Variants in RARG observed in about 807,000 individuals in gnomAD.
RARG encodes the protein RAR-gamma.
A neutral mutation model predicts 43.7 loss-of-function variants in RARG; 17 were observed. The observed-to-expected ratio is 0.39, with a 90% CI of 0.27 to 0.58. The LOEUF is 0.58. RARG is among the 20% of genes least tolerant of loss of function. The pLI is 0.57. For synonymous variants in RARG, 238 were observed against 236.4 expected (o/e 1.01, Z -0.06); for missense variants, 346 against 598.7 (o/e 0.58, Z 4.40).
Position 53,213,641 on chromosome 12 carries a change from C to T in RARG, c.873G>A (p.Gly291=), listed in dbSNP as rs1211352590. ...PEQDTMTFSD[G]LTLNRTQMHN... ...GCATCTGGGTCCGGTTCAGGGTCAGCCCGTCGGAGAAGGTCATGGTGTCCT... is the reference window on the plus strand; with the variant it reads ...GCATCTGGGTCCGGTTCAGGGTCAGTCCGTCGGAGAAGGTCATGGTGTCCT... The change falls in exon 8 of 10, where the codon GGG becomes GGA. Residue 291 remains glycine, a synonymous_variant. Transcript: ENST00000425354. The surrounding 1 kb of genome is among the most constrained non-coding windows in gnomAD (Gnocchi z 4.7). 6.2e-7 allele frequency: 1 copy of T among 1,613,876 alleles called. No individual in the cohort carries two copies. The highest frequency in any genetic ancestry group is 1.3e-5 in the African/African-American group (1 of 74,882).
intron 3 of RARG, among the ~76,000 whole-genome samples, chr12:53,225,517 C>T (rs895049553): frequency 1.3e-5 from 2 of 152,236 alleles, no homozygotes; most frequent in Admixed American, 1.3e-4. Context: ...TACAGACACA[C>T]AACCCTCTGC....
intron 3 of RARG, among the ~76,000 whole-genome samples, chr12:53,216,677 G>A (rs2120638328): frequency 6.6e-6 from 1 of 152,232 alleles, no homozygotes; most frequent in African/African-American, 2.4e-5. Flanking sequence ...AGGTAAACAG[G>A]ACTGATGGGG....
chr12:53,220,143 G>C, intron 3 of RARG: 1 of 1,550,120 alleles, frequency 6.5e-7, no homozygotes, highest in Non-Finnish European at 8.7e-7. Context: ...GAAACACCAA[G>C]GACCCGCAGC....
intron 3 of RARG, among the ~76,000 whole-genome samples, chr12:53,224,186 T>A (rs546835850): frequency 6.6e-6 from 1 of 152,096 alleles, no homozygotes; most frequent in South Asian, 2.1e-4. Flanking sequence ...CAGCAGCACG[T>A]GCTCCCTGAG....
rs761785714 is a variant in RARG, at chr12:53,214,033, G to T, written c.813+26C>A. 3.8e-6 allele frequency: 6 copies of T among 1,590,536 alleles called. No homozygotes were observed. In the South Asian group the frequency reaches 6.8e-5, roughly 18 times the overall value. On this transcript the variant is annotated intron_variant, in intron 7 of 9. Transcript: ENST00000425354. ...GGGTCCCATATGTGGGTCGGGCTGTGGCAGGACCCACAGGGCCTAACTTAC... is the reference window on the plus strand; with the variant it reads ...GGGTCCCATATGTGGGTCGGGCTGTTGCAGGACCCACAGGGCCTAACTTAC...
chr12:53,215,748 C>T lies in RARG; in HGVS notation c.231G>A (p.Ser77=), dbSNP rs1257494980. The change falls in exon 4 of 10, where the codon TCG becomes TCA. Residue 77 remains serine (S), a synonymous_variant. Transcript: ENST00000425354. The surrounding 1 kb of genome is among the most constrained non-coding windows in gnomAD (Gnocchi z 6.4). ...CCCGAGGAGGCGGAGGGGGCGAGGG[C>T]GAGCTGGGCACCATCTCCTCTGAGC... ...STSSEEMVPS[S]PSPPPPPRVY... 5.0e-6 allele frequency: 8 copies of T among 1,613,180 alleles called. No individual in the cohort carries two copies. The highest frequency in any genetic ancestry group is 1.1e-5 in the South Asian group (1 of 90,942).
intron 2 of RARG, chr12:53,229,906 C>T (rs1310543265): frequency 2.1e-6 from 2 of 943,714 alleles, no homozygotes; most frequent in African/African-American, 3.6e-5. Context: ...GCTCCTGATC[C>T]TCACCAAGGA....
At chr12:53,221,722 G>A (rs1942968366) in intron 3 of RARG, among the ~76,000 whole-genome samples, 1 of 151,436 alleles carries the variant, frequency 6.6e-6, no homozygotes. Flanking sequence ...GGCGACTCCC[G>A]GAAATCCCCC....
At chr12:53,212,735 TATACACACAC>T (rs1425204636) in intron 9 of RARG, among the ~76,000 whole-genome samples, 13 of 136,986 alleles carry the variant, frequency 9.5e-5, no homozygotes, top group African/African-American at 2.8e-4. Flanking sequence ...TAAATATATA[TATACACACAC>T]ACACACACAC....
intron 9 of RARG, among the ~76,000 whole-genome samples, chr12:53,212,737 TAC>T (rs1160084920): frequency 0.039 from 5,146 of 133,020 alleles, 103 homozygotes; most frequent in African/African-American, 0.063. Context: ...AATATATATA[TAC>T]ACACACACAC....
Position 53,211,978 on chromosome 12 carries a change from G to A in RARG, c.1178-115C>T. 1.4e-6 allele frequency: 1 copy of A among 713,638 alleles called. No homozygotes were observed. Among genetic ancestry groups the A allele is most frequent in the Non-Finnish European group, 2.0e-6 (1 of 500,634 alleles). The allele number at this position is 713,638 out of a possible 1,614,324, so 44.2% of individuals were successfully genotyped here. ...ACTCCCCTAGGGGGCGCCCAGCACAGGCCCACCACCTCTCCGTCCCCAGCT... is the reference window on the plus strand; with the variant it reads ...ACTCCCCTAGGGGGCGCCCAGCACAAGCCCACCACCTCTCCGTCCCCAGCT... On this transcript the variant is annotated intron_variant, in intron 9 of 9. Transcript: ENST00000425354. This position sits in a 1 kb window ranked among gnomAD's most constrained non-coding sequence, Gnocchi z 4.6.
Position 53,227,262 on chromosome 12 carries a change from G to T in RARG, c.184+100C>A, listed in dbSNP as rs190130946. ...CCATTAGGCCAAACCCCTGTCCCCT[G>T]CCTGCCTTCCTAACTGGGGTGCCAA... On this transcript the variant is annotated intron_variant, in intron 3 of 9. Transcript: ENST00000425354. This position sits in a 1 kb window ranked among gnomAD's most constrained non-coding sequence, Gnocchi z 4.3. 3.1e-6 allele frequency: 4 copies of T among 1,293,178 alleles called. No homozygotes were observed. Among genetic ancestry groups the T allele is most frequent in the Non-Finnish European group, 3.2e-6 (3 of 951,668 alleles). 80.1% of individuals were successfully genotyped at this position (1,293,178 alleles called of 1,614,324 possible). A position where few individuals can be genotyped will look rare whatever the true frequency, so the allele number is the denominator to read the frequency against.
intron 2 of RARG, among the ~76,000 whole-genome samples, chr12:53,230,365 C>T (rs1943202184): frequency 6.6e-6 from 1 of 152,006 alleles, no homozygotes; most frequent in Admixed American, 6.5e-5. Flanking sequence ...GTCGCCCTGC[C>T]CGCTCCAGAG....
At chr12:53,216,387 T>G (rs1419678942) in intron 3 of RARG, among the ~76,000 whole-genome samples, 1 of 152,150 alleles carries the variant, frequency 6.6e-6, no homozygotes, top group Admixed American at 6.5e-5. Flanking sequence ...TCCTCAGGCT[T>G]ATCTCTCTCA....
rs1265990580 is a variant in RARG, at chr12:53,213,005, G to A, written c.1177+80C>T. 1.6e-5 allele frequency: 24 copies of A among 1,459,890 alleles called. No homozygotes were observed. The highest frequency in any genetic ancestry group is 2.0e-5 in the Non-Finnish European group (22 of 1,073,614). 90.4% of individuals were successfully genotyped at this position (1,459,890 alleles called of 1,614,324 possible). A position where few individuals can be genotyped will look rare whatever the true frequency, so the allele number is the denominator to read the frequency against. On this transcript the variant is annotated intron_variant, in intron 9 of 9. Transcript: ENST00000425354. The surrounding 1 kb of genome is among the most constrained non-coding windows in gnomAD (Gnocchi z 4.7). ...CCTGGTTCTCAACTACTCTGTTCTT[G>A]TCTCTGTGTGTCCTCCTGTCCGACC...
In RARG at chr12:53,216,861, C is replaced by CAT. The variant is rs1565722345; in HGVS notation, c.185-1068_185-1067insAT. Among the ~76,000 whole-genome samples, 492 of 123,004 alleles carry CAT rather than the reference C, an allele frequency of 4.0e-3. 4 individuals are homozygous for CAT. The highest frequency in any genetic ancestry group is 0.015 in the African/African-American group (432 of 28,310). The allele number at this position is 123,004 out of a possible 152,430, so 80.7% of individuals were successfully genotyped here. A position where few individuals can be genotyped will look rare whatever the true frequency, so the allele number is the denominator to read the frequency against. ...GTGTGTGCGCGCGCGCGCGCGCGCG[C>CAT]GTGTGGTTGGTCTTCAGAGGCTCGG... On this transcript the variant is annotated intron_variant, in intron 3 of 9. Coordinates refer to ENST00000425354, the MANE Select transcript of RARG (RefSeq NM_000966.6).
intron 9 of RARG, among the ~76,000 whole-genome samples, chr12:53,212,780 ATACT>A (rs1361952715): frequency 1.1e-3 from 148 of 139,750 alleles, no homozygotes; most frequent in African/African-American, 4.1e-3. Context: ...ACACACACAC[ATACT>A]TGGAATTGTG....
chr12:53,223,437 C>A (rs1157429387), intron 3 of RARG, among the ~76,000 whole-genome samples: 1 of 122,234 alleles, frequency 8.2e-6, no homozygotes, highest in East Asian at 2.2e-4. Context: ...GCGCGTTGGG[C>A]AGGATGGGGG....
chr12:53,230,388 C>T (rs1236846732), intron 2 of RARG, among the ~76,000 whole-genome samples: 2 of 152,004 alleles, frequency 1.3e-5, no homozygotes, highest in Non-Finnish European at 2.9e-5. Context: ...TGGAACAAAG[C>T]TGCTCTTGTC....
Sources: allele counts gnomAD v4.1 joint callset (sites outside exome capture counted in the v4.1 genomes callset), GRCh38; gene constraint gnomAD v4.1.1; non-coding constraint Gnocchi (gnomAD v3.1); transcripts MANE v1.5; gene names NCBI Gene and HGNC (gene_info 2026-07-23, HGNC 2026-07-21).